The following OSBPL8 variants were observed in gnomAD, a reference collection of about 807,000 sequenced individuals.
OSBPL8 encodes oxysterol binding protein like 8.
OSBPL8 carries 59 observed loss-of-function variants against 125.5 expected under a neutral mutation model. That is an observed-to-expected ratio of 0.47 (90% confidence interval 0.38 to 0.58). OSBPL8 has a LOEUF of 0.58. OSBPL8 is among the 20% of genes least tolerant of loss of function. The probability of loss-of-function intolerance (pLI) is 0.00; values close to 1 mark genes in which losing one functional copy is unlikely to be tolerated. For synonymous variants in OSBPL8, 330 were observed against 338.9 expected (o/e 0.97, Z 0.29); for missense variants, 758 against 1,047.8 (o/e 0.72, Z 3.82).
intron 1 of OSBPL8, among the ~76,000 whole-genome samples, chr12:76,503,594 A>G (rs1461150360): frequency 6.6e-6 from 1 of 152,182 alleles, no homozygotes; most frequent in African/African-American, 2.4e-5. Flanking sequence ...GCTGGAGTGC[A>G]GTGGCGCGAT....
intron 1 of OSBPL8, among the ~76,000 whole-genome samples, chr12:76,551,251 A>T (rs939596356): frequency 6.6e-6 from 1 of 152,220 alleles, no homozygotes; most frequent in Non-Finnish European, 1.5e-5. Context: ...GTTTCTTTCC[A>T]TTTAAAATCA....
At chr12:76,421,822 T>A (rs764089795) in intron 4 of OSBPL8, among the ~76,000 whole-genome samples, 23 of 152,042 alleles carry the variant, frequency 1.5e-4, no homozygotes, top group African/African-American at 5.5e-4. Context: ...AAAAGATCAA[T>A]TTATGTCTAC....
At chr12:76,448,135 T>TAA (rs1872937581) in intron 4 of OSBPL8, among the ~76,000 whole-genome samples, 1 of 152,166 alleles carries the variant, frequency 6.6e-6, no homozygotes, top group Non-Finnish European at 1.5e-5. Flanking sequence ...TATTTTGGGG[T>TAA]ACGTCATGAA....
chr12:76,397,999 G>A (rs1003384467), intron 7 of OSBPL8, 102 bp from the exon 8 acceptor site: 6 of 936,970 alleles, frequency 6.4e-6, no homozygotes, highest in East Asian at 2.6e-5. Context: ...TCCATAACAC[G>A]TACACTTTAA....
At chr12:76,544,407 A>G (rs1950728745) in intron 1 of OSBPL8, among the ~76,000 whole-genome samples, 1 of 152,220 alleles carries the variant, frequency 6.6e-6, no homozygotes, top group Non-Finnish European at 1.5e-5. Context: ...GAATGAGGTG[A>G]AAGACAGTAA....
At chr12:76,428,685 G>A (rs977495084) in intron 4 of OSBPL8, among the ~76,000 whole-genome samples, 4 of 152,004 alleles carry the variant, frequency 2.6e-5, no homozygotes, top group Admixed American at 1.3e-4. Context: ...AAAGTACTAC[G>A]TCCAGACACA....
chr12:76,401,206 G>C (rs1954039660), intron 6 of OSBPL8, among the ~76,000 whole-genome samples: 1 of 152,084 alleles, frequency 6.6e-6, no homozygotes, highest in African/African-American at 2.4e-5. Context: ...ATTGATGACT[G>C]TTAACCTTCT....
At chr12:76,543,855 G>C (rs2137442301) in intron 1 of OSBPL8, among the ~76,000 whole-genome samples, 1 of 152,278 alleles carries the variant, frequency 6.6e-6, no homozygotes. Flanking sequence ...ATTAAACCTA[G>C]CTAGGGATAA....
At chr12:76,414,973 A>G (rs1177841520) in intron 4 of OSBPL8, among the ~76,000 whole-genome samples, 1 of 152,176 alleles carries the variant, frequency 6.6e-6, no homozygotes, top group Non-Finnish European at 1.5e-5. Context: ...GTCATAACGC[A>G]TTGTCCTCTT....
intron 1 of OSBPL8, among the ~76,000 whole-genome samples, chr12:76,549,708 C>T (rs1950882427): frequency 6.6e-6 from 1 of 152,016 alleles, no homozygotes; most frequent in Non-Finnish European, 1.5e-5. Flanking sequence ...AATCAGCATC[C>T]CTAGATGCTA....
chr12:76,364,487 C>T (rs57331426), intron 21 of OSBPL8, among the ~76,000 whole-genome samples: 2,107 of 152,210 alleles, frequency 0.014, 40 homozygotes, highest in African/African-American at 0.044. Context: ...ACATCACACA[C>T]CGGGACCTGT....
rs540436025 is a variant in OSBPL8 at position 76,543,158 on chromosome 12, A to G, written c.-68+16239T>C. ...CAAAAGCTCGAAGAGGTCAGCAAGC[A>G]CATCTGCCTAGCTCCTACTGAATTT... On this transcript the variant is annotated intron_variant, in intron 1 of 23. Coordinates refer to ENST00000261183, the MANE Select transcript of OSBPL8 (RefSeq NM_020841.5). Among the ~76,000 whole-genome samples the G allele has an allele frequency of 2.5e-4, 38 of 152,076 alleles. No individual in the cohort carries two copies. In the East Asian group the frequency reaches 7.0e-3, roughly 28 times the overall value.
chr12:76,498,711 T>C (rs1023496125), intron 1 of OSBPL8, among the ~76,000 whole-genome samples: 74 of 145,166 alleles, frequency 5.1e-4, no homozygotes, highest in African/African-American at 1.7e-3. Context: ...TTAGTGGTAA[T>C]AAAAGCCTCC....
chr12:76,475,125 A>AT (rs1007494528), intron 2 of OSBPL8, among the ~76,000 whole-genome samples: 77 of 152,084 alleles, frequency 5.1e-4, no homozygotes, highest in African/African-American at 1.7e-3. Context: ...ACTCCCATGA[A>AT]TTTTTTTTAT....
chr12:76,362,956 T>C lies in OSBPL8; in HGVS notation c.2329-4145A>G, dbSNP rs186165620. Among the ~76,000 whole-genome samples the C allele has an allele frequency of 1.6e-3, 251 of 152,220 alleles. 1 individual carries two copies. The highest frequency in any genetic ancestry group is 5.8e-3 in the African/African-American group (242 of 41,514). On this transcript the variant is annotated intron_variant, in intron 21 of 23. Coordinates refer to ENST00000261183, the MANE Select transcript of OSBPL8 (RefSeq NM_020841.5). ...ATTGCTACAAAGAGAATAAAATACC[T>C]GGGAATACAACTTACAAGGGATGTG...
intron 1 of OSBPL8, among the ~76,000 whole-genome samples, chr12:76,555,840 G>A (rs1223273991): frequency 6.6e-6 from 1 of 152,166 alleles, no homozygotes; most frequent in Non-Finnish European, 1.5e-5. Context: ...TTAGGGAGAG[G>A]TGAAAATAGA....
chr12:76,502,799 T>C (rs891128294), intron 1 of OSBPL8, among the ~76,000 whole-genome samples: 3 of 152,168 alleles, frequency 2.0e-5, no homozygotes, highest in African/African-American at 7.2e-5. Context: ...TGGAAGAAGG[T>C]AGTTATAAAT....
At chr12:76,403,170 C>T (rs1365616242) in intron 5 of OSBPL8, among the ~76,000 whole-genome samples, 1 of 152,116 alleles carries the variant, frequency 6.6e-6, no homozygotes, top group Non-Finnish European at 1.5e-5. Context: ...GCACATATTG[C>T]CCTGCTTCTA....
At chr12:76,519,592 T>C (rs182948321) in intron 1 of OSBPL8, among the ~76,000 whole-genome samples, 9 of 152,262 alleles carry the variant, frequency 5.9e-5, no homozygotes, top group Admixed American at 5.9e-4. Context: ...GTGCTATAAA[T>C]ACATACCTGA....
Sources: gnomAD v4.1 joint callset for allele counts (sites outside exome capture counted in the v4.1 genomes callset) on GRCh38, gnomAD v4.1.1 for gene constraint, MANE v1.5 for transcripts, NCBI Gene and HGNC (gene_info 2026-07-23, HGNC 2026-07-21) for gene names.